The following ORC4 variants were observed in gnomAD, a reference collection of about 807,000 sequenced individuals.
ORC4 encodes origin recognition complex subunit 4.
A neutral mutation model predicts 63.9 loss-of-function variants in ORC4; 55 were observed. That is an observed-to-expected ratio of 0.86 (90% confidence interval 0.69 to 1.08). The LOEUF (loss-of-function observed/expected upper bound fraction) is 1.08, where lower values mean the gene tolerates loss of function less well. Among genes scored for constraint, ORC4 ranks in the 50% least tolerant of loss-of-function variants. The pLI, the probability that ORC4 is intolerant of heterozygous loss-of-function variation, is 0.00. For synonymous variants in ORC4, 150 were observed against 168.5 expected (o/e 0.89, Z 0.85); for missense variants, 511 against 504.4 (o/e 1.01, Z -0.13).
rs754875898 is a variant in ORC4, at chr2:147,972,773, A to G, written c.191T>C (p.Leu64Pro). Residue 64 changes from leucine to proline, a missense_variant, in exon 4 of 14, where the codon CTT (leucine) becomes CCT (proline). Leu to Pro is a moderately conservative substitution (Grantham distance 98). Transcript: ENST00000392857. ...TCCTGATCCTCGGGGTCCGATAATA[A>G]GGACAGAGTTACTCTCTCCATGGAG... The part of the protein sequence containing the change: ...TALHGESNSV[L>P]IIGPRGSGKT... The G allele has an allele frequency of 2.6e-5, 42 of 1,610,580 alleles. No individual in the cohort carries two copies. The highest frequency in any genetic ancestry group is 3.1e-5 in the Non-Finnish European group (37 of 1,177,796).
chr2:147,989,575 A>G (rs1285888811), intron 1 of ORC4, among the ~76,000 whole-genome samples: 2 of 151,978 alleles, frequency 1.3e-5, no homozygotes, highest in Non-Finnish European at 1.5e-5. Context: ...GTGTGGTGGC[A>G]CGTGCCTGTA....
chr2:147,982,978 T>C (rs1161628458), intron 1 of ORC4, among the ~76,000 whole-genome samples: 2 of 152,318 alleles, frequency 1.3e-5, no homozygotes, highest in East Asian at 3.9e-4. Flanking sequence ...TATGCAAAGA[T>C]GTTTAATATC....
upstream of ORC4, chr2:148,021,295 G>T: frequency 2.6e-6 from 1 of 381,476 alleles, no homozygotes. Context: ...GATTGAGCCT[G>T]AGAGAGGAGA....
intron 1 of ORC4, among the ~76,000 whole-genome samples, chr2:147,994,001 T>C (rs1378550908): frequency 6.6e-6 from 1 of 152,174 alleles, no homozygotes; most frequent in Non-Finnish European, 1.5e-5. Flanking sequence ...TAAACTACTG[T>C]AGAAAGGTTG....
In ORC4 at chr2:147,948,134, C is replaced by A. The variant is rs778750425; in HGVS notation, c.679G>T (p.Val227Phe). ...LMNSFGFPQY[V>F]KIFKEQLSLP... ...GATAACTGTTCTTTAAATATTTTAA[C>A]ATACTGTGGAAAACCAAATGAATTC... The change falls in exon 9 of 14, where the codon GTT becomes TTT. Residue 227 changes from valine to phenylalanine, a missense_variant. By Grantham distance (50) the Val-to-Phe change is conservative (BLOSUM62 -1). Transcript: ENST00000392857. The A allele has an allele frequency of 1.2e-6, 2 of 1,610,612 alleles. No homozygotes were observed. The highest frequency in any genetic ancestry group is 1.1e-5 in the South Asian group (1 of 90,930).
intron 1 of ORC4, 37 bp from the exon 2 acceptor site, chr2:147,976,012 G>T: frequency 1.0e-6 from 1 of 969,020 alleles, no homozygotes; most frequent in South Asian, 1.3e-5. Flanking sequence ...TAAACGTAGT[G>T]ACTTAAAGAG....
At chr2:147,986,226 ATCTT>A (rs1048964009) in intron 1 of ORC4, among the ~76,000 whole-genome samples, 11 of 152,220 alleles carry the variant, frequency 7.2e-5, no homozygotes, top group Admixed American at 5.9e-4. Context: ...GAATCAGAGA[ATCTT>A]TCTCCTCTAA....
intron 1 of ORC4, among the ~76,000 whole-genome samples, chr2:148,009,361 C>G (rs567140023): frequency 1.3e-5 from 2 of 152,000 alleles, no homozygotes; most frequent in South Asian, 4.1e-4. Flanking sequence ...AAAACATAGA[C>G]TAACAACAAA....
At chr2:147,941,981 G>A (rs2105267492) in intron 10 of ORC4, among the ~76,000 whole-genome samples, 1 of 152,256 alleles carries the variant, frequency 6.6e-6, no homozygotes, top group African/African-American at 2.4e-5. Flanking sequence ...ATACAGCCAA[G>A]TAGGACACAA....
chr2:147,965,197 A>T (rs1404515787), intron 4 of ORC4, among the ~76,000 whole-genome samples: 1 of 152,186 alleles, frequency 6.6e-6, no homozygotes, highest in Non-Finnish European at 1.5e-5. Flanking sequence ...GAGGCACCCA[A>T]CTGGAAAAAT....
At chr2:147,983,287 C>T (rs568268842) in intron 1 of ORC4, among the ~76,000 whole-genome samples, 2 of 152,270 alleles carry the variant, frequency 1.3e-5, no homozygotes, top group African/African-American at 2.4e-5. Context: ...TAAATTTATT[C>T]GTAATAGTCA....
intron 1 of ORC4, among the ~76,000 whole-genome samples, chr2:147,998,697 T>C (rs963477998): frequency 6.6e-6 from 1 of 152,194 alleles, no homozygotes; most frequent in East Asian, 1.9e-4. Context: ...TATTCTTTTA[T>C]AGCAATACAA....
chr2:147,975,817 G>GA (rs1690517617), intron 2 of ORC4, 85 bp downstream of exon 2: 1 of 854,220 alleles, frequency 1.2e-6, no homozygotes, highest in East Asian at 2.4e-5. Flanking sequence ...ATGCTAAAGG[G>GA]AAAATTCAGG....
intron 1 of ORC4, among the ~76,000 whole-genome samples, chr2:148,002,493 A>C (rs1368392141): frequency 2.0e-5 from 3 of 152,210 alleles, no homozygotes; most frequent in Non-Finnish European, 4.4e-5. Context: ...GAAACTGAAC[A>C]ACCTGCTCCT....
chr2:147,955,646 C>T (rs771969301), intron 6 of ORC4, among the ~76,000 whole-genome samples: 5 of 151,628 alleles, frequency 3.3e-5, no homozygotes, highest in African/African-American at 9.7e-5. Flanking sequence ...GAGGATAAAA[C>T]GGTCAAAGAA....
intron 9 of ORC4, among the ~76,000 whole-genome samples, chr2:147,946,290 G>T (rs1688654964): frequency 6.8e-6 from 1 of 147,288 alleles, no homozygotes; most frequent in Admixed American, 6.7e-5. Context: ...GTGTGAGCAG[G>T]TATGGAAAAA....
At chr2:147,986,638 T>C (rs1391645304) in intron 1 of ORC4, among the ~76,000 whole-genome samples, 2 of 152,162 alleles carry the variant, frequency 1.3e-5, no homozygotes, top group Non-Finnish European at 2.9e-5. Context: ...GGTATAGCCT[T>C]ATCAAATAAG....
At chr2:148,002,503 T>A (rs1692378359) in intron 1 of ORC4, among the ~76,000 whole-genome samples, 1 of 152,172 alleles carries the variant, frequency 6.6e-6, no homozygotes, top group Admixed American at 6.5e-5. Flanking sequence ...AACCTGCTCC[T>A]GAATGAATAC....
At position 147,932,215 on chromosome 2, in the gene ORC4, A is replaced by G. The variant is rs984033749; in HGVS notation, c.*3295T>C. 30 of 151,588 alleles carry G rather than the reference A, an allele frequency of 2.0e-4. No individual in the cohort carries two copies. The highest frequency in any genetic ancestry group is 3.8e-4 in the Non-Finnish European group (26 of 67,894). The allele number at this position is 151,588 out of a possible 1,614,324, so 9.4% of individuals were successfully genotyped here. A position where few individuals can be genotyped will look rare whatever the true frequency, so the allele number is the denominator to read the frequency against. On this transcript the variant is annotated 3_prime_UTR_variant, in exon 14 of 14. Transcript: ENST00000392857. ...GAACTCCCATTCACAATTGCTTCAAAGAGAATAAAATACCTAGGAATCCAA... is the reference window on the plus strand; with the variant it reads ...GAACTCCCATTCACAATTGCTTCAAGGAGAATAAAATACCTAGGAATCCAA...
Sources: allele counts gnomAD v4.1 joint callset (sites outside exome capture counted in the v4.1 genomes callset), GRCh38; gene constraint gnomAD v4.1.1; transcripts MANE v1.5; gene names NCBI Gene and HGNC (gene_info 2026-07-23, HGNC 2026-07-21).